SCAF4: variants seen among roughly 807,000 people sequenced by gnomAD.
SCAF4 encodes the protein SR-related and CTD-associated factor 4.
SCAF4 carries 25 observed loss-of-function variants against 129.8 expected under a neutral mutation model. The ratio of observed to expected loss-of-function variants is 0.19; its 90% confidence interval spans 0.14 to 0.27. The LOEUF is 0.27. Among genes scored for constraint, SCAF4 ranks in the 10% least tolerant of loss-of-function variants. The pLI is 1.00. For synonymous variants in SCAF4, 551 were observed against 497.7 expected, an observed-to-expected ratio of 1.11 and a Z score of -1.43; for missense variants, 1,246 against 1,457.1, an observed-to-expected ratio of 0.86 and a Z score of 2.36.
rs1319549437 is a variant in SCAF4, at chr21:31,694,832, G to C, written c.1217C>G (p.Thr406Arg). 2.5e-6 allele frequency: 4 copies of C among 1,614,158 alleles called. No individual in the cohort carries two copies. The highest frequency in any genetic ancestry group is 2.2e-5 in the South Asian group (2 of 91,084). Residue 406 changes from threonine (T) to arginine (R), a missense_variant, in exon 10 of 20, where the codon ACA becomes AGA. Transcript: ENST00000286835. The part of the protein sequence containing the change: ...ASFQAQNEPL[T>R]QKPHQQEMEV... ...TTTTACCTGCTGATGCGGCTTCTGTGTAAGTGGTTCATTTTGTGCCTGAAA... is the reference window on the plus strand; with the variant it reads ...TTTTACCTGCTGATGCGGCTTCTGTCTAAGTGGTTCATTTTGTGCCTGAAA...
chr21:31,690,280 T>A, intron 15 of SCAF4, among the ~76,000 whole-genome samples: 1 of 151,792 alleles, frequency 6.6e-6, no homozygotes, highest in South Asian at 2.1e-4. Context: ...AGGTCAGGAG[T>A]TCGAGACCAG....
intron 19 of SCAF4, 143 bp from the exon 20 acceptor site, chr21:31,672,497 T>C (rs748574302): frequency 4.3e-6 from 3 of 698,332 alleles, no homozygotes; most frequent in Non-Finnish European, 4.9e-6. Flanking sequence ...ACAAACCCAG[T>C]GTGAGGCCTA....
chr21:31,723,629 T>TGTGTGTGTGTGTGTGTGTGC (rs1271033175), intron 1 of SCAF4, among the ~76,000 whole-genome samples: 371 of 149,056 alleles, frequency 2.5e-3, no homozygotes, highest in African/African-American at 8.5e-3. Context: ...TGTGTGTGTG[T>TGTGTGTGTGTGTGTGTGTGC]GCGCGCGCGC....
At chr21:31,713,273 G>T (rs1474143161) in intron 1 of SCAF4, among the ~76,000 whole-genome samples, 5 of 152,192 alleles carry the variant, frequency 3.3e-5, no homozygotes, top group Admixed American at 6.5e-5. Context: ...TAGAATAACG[G>T]TAAGTGCACA....
intron 1 of SCAF4, among the ~76,000 whole-genome samples, chr21:31,712,084 A>C (rs2050811699): frequency 6.6e-6 from 1 of 152,164 alleles, no homozygotes; most frequent in Non-Finnish European, 1.5e-5. Flanking sequence ...GCATGAGGGA[A>C]AGCTTTAAAT....
rs768686848 is a variant in SCAF4, at chr21:31,700,914, G to A, written c.777+81C>T. 1.7e-5 allele frequency: 24 copies of A among 1,377,314 alleles called. No homozygotes were observed. The African/African-American group carries it at 3.0e-4, about 17-fold the overall frequency. The allele number at this position is 1,377,314 out of a possible 1,614,324, so 85.3% of individuals were successfully genotyped here. A position where few individuals can be genotyped will look rare whatever the true frequency, so the allele number is the denominator to read the frequency against. On this transcript the variant is annotated intron_variant, in intron 7 of 19. Coordinates refer to ENST00000286835, the MANE Select transcript of SCAF4 (RefSeq NM_020706.2). ...AAAACGACATAATGAACAATCCACA[G>A]AAGGGATACAGAAGTGATAATTTCC... is the stretch of plus-strand genomic sequence containing the variant.
In SCAF4 at chr21:31,694,234, T is replaced by G; in HGVS notation, c.1292A>C (p.Asn431Thr). 1 of 1,610,278 alleles carries G rather than the reference T, an allele frequency of 6.2e-7. No homozygotes were observed. The highest frequency in any genetic ancestry group is 8.5e-7 in the Non-Finnish European group (1 of 1,177,278). ...TGCTGACCTAGATCTTGACTTTCTGTTATCAGACATATGTCGCTTAACCTC... is the reference window on the plus strand; with the variant it reads ...TGCTGACCTAGATCTTGACTTTCTGGTATCAGACATATGTCGCTTAACCTC... ...IQEVKRHMSD[N>T]RKSRSRSASR... Residue 431 changes from asparagine to threonine, a missense_variant, in exon 11 of 20, where the codon AAC (asparagine) becomes ACC (threonine). Transcript: ENST00000286835.
intron 19 of SCAF4, among the ~76,000 whole-genome samples, chr21:31,672,860 TAC>T (rs551928310): frequency 3.7e-4 from 57 of 152,388 alleles, no homozygotes; most frequent in African/African-American, 1.3e-3. Flanking sequence ...GACTCCATGC[TAC>T]ACTTAGTCCA....
At chr21:31,704,507 C>T (rs1409403094) in intron 3 of SCAF4, among the ~76,000 whole-genome samples, 1 of 151,286 alleles carries the variant, frequency 6.6e-6, no homozygotes, top group Admixed American at 6.6e-5. Flanking sequence ...ATTTAATCCA[C>T]CAATTCTACA....
In SCAF4 at chr21:31,694,816, C is replaced by A; in HGVS notation, c.1233G>T (p.Gln411His). The A allele has an allele frequency of 6.2e-7, 1 of 1,614,006 alleles. No individual in the cohort carries two copies. The highest frequency in any genetic ancestry group is 8.5e-7 in the Non-Finnish European group (1 of 1,179,904). Residue 411 changes from glutamine to histidine, a missense_variant, in exon 10 of 20, where the codon CAG becomes CAT. This residue lies in a region of SCAF4 where 236 missense variants were observed against 210.0 expected (regional missense o/e 1.12). Coordinates refer to ENST00000286835, the MANE Select transcript of SCAF4 (RefSeq NM_020706.2). ...CTATCTGAGAATAAAGTTTTACCTG[C>A]TGATGCGGCTTCTGTGTAAGTGGTT... The part of the protein sequence containing the change: ...QNEPLTQKPH[Q>H]QEMEVEQPCI...
chr21:31,671,685 G>C lies in SCAF4; in HGVS notation c.3158C>G (p.Ser1053Cys), dbSNP rs779243584. The stretch of plus-strand genomic sequence containing the variant: ...TCTCTCTCTGTCTCGATGCCCACTA[G>C]AGCGTCTATTTCTCTCTTCCAAGTC... The part of the protein sequence containing the change: ...HRDLEERNRR[S>C]SGHRDRERDS... Residue 1053 changes from serine to cysteine, a missense_variant, in exon 20 of 20, where the codon TCT becomes TGT. Around this residue, in one of 6 missense-constraint regions of SCAF4, gnomAD observed 339 missense variants for 325.0 expected, o/e 1.04. Coordinates refer to ENST00000286835, the MANE Select transcript of SCAF4 (RefSeq NM_020706.2). The C allele has an allele frequency of 6.2e-7, 1 of 1,613,818 alleles. No individual in the cohort carries two copies. The highest frequency in any genetic ancestry group is 1.3e-5 in the African/African-American group (1 of 74,976).
Position 31,702,302 on chromosome 21 carries a change from G to A in SCAF4, c.399C>T (p.Asp133=). The A allele has an allele frequency of 1.2e-6, 2 of 1,614,088 alleles. No homozygotes were observed. The highest frequency in any genetic ancestry group is 1.7e-6 in the Non-Finnish European group (2 of 1,179,988). Residue 133 remains aspartate (D), a synonymous_variant, in exon 5 of 20, where the codon GAC becomes GAT. Transcript: ENST00000286835. ...FKIEIIQPLL[D]MAAGTSNAAP... Reference sequence around the variant, plus strand: ...CTGCATTACTGGTTCCCGCTGCCATGTCCAAAAGAGGTTGAATAATTTCAA... The same window carrying A: ...CTGCATTACTGGTTCCCGCTGCCATATCCAAAAGAGGTTGAATAATTTCAA...
chr21:31,674,473 TTA>T (rs1369133239), intron 19 of SCAF4, among the ~76,000 whole-genome samples: 4 of 152,292 alleles, frequency 2.6e-5, no homozygotes, highest in Admixed American at 2.0e-4. Flanking sequence ...CCAACTAAAT[TTA>T]TAGATTCCTG....
At chr21:31,730,419 T>C (rs762513397) in intron 1 of SCAF4, among the ~76,000 whole-genome samples, 1 of 152,234 alleles carries the variant, frequency 6.6e-6, no homozygotes, top group Non-Finnish European at 1.5e-5. Context: ...AAATCACTTT[T>C]AGGATAATTT....
chr21:31,694,353 T>G, intron 10 of SCAF4, 64 bp from the exon 11 acceptor site: 1 of 1,045,564 alleles, frequency 9.6e-7, no homozygotes, highest in South Asian at 1.5e-5. Context: ...GAGGACAAAA[T>G]CTAACAAAAG....
chr21:31,699,499 TTTG>T (rs949696378), intron 7 of SCAF4, among the ~76,000 whole-genome samples: 6 of 145,600 alleles, frequency 4.1e-5, no homozygotes, highest in African/African-American at 1.7e-4. Flanking sequence ...TTCTGTATTA[TTTG>T]TTTTTTTTTT....
intron 1 of SCAF4, among the ~76,000 whole-genome samples, chr21:31,718,757 A>T (rs959729716): frequency 6.6e-6 from 1 of 152,240 alleles, no homozygotes; most frequent in African/African-American, 2.4e-5. Context: ...AGGTACTTTC[A>T]TAAGCAACAA....
In SCAF4 at chr21:31,687,105, C is replaced by T. The variant is rs150744567; in HGVS notation, c.2043+1202G>A. On this transcript the variant is annotated intron_variant, in intron 16 of 19. Coordinates refer to ENST00000286835, the MANE Select transcript of SCAF4 (RefSeq NM_020706.2). Reference sequence around the variant, plus strand: ...GAATGTACCAAAGCATACAGTTTTCCCCTCACATTGAGAAAATGAAGACAC... The same window carrying T: ...GAATGTACCAAAGCATACAGTTTTCTCCTCACATTGAGAAAATGAAGACAC... Among the ~76,000 whole-genome samples, 445 of 152,240 alleles carry T rather than the reference C, an allele frequency of 2.9e-3. 4 individuals carry two copies. Among genetic ancestry groups the T allele is most frequent in the African/African-American group, 0.01 (423 of 41,528 alleles).
intron 7 of SCAF4, among the ~76,000 whole-genome samples, chr21:31,698,110 A>G (rs2050431962): frequency 6.6e-6 from 1 of 152,238 alleles, no homozygotes; most frequent in Non-Finnish European, 1.5e-5. Context: ...AGTTTATTAC[A>G]TATTAATATG....
Sources: allele counts gnomAD v4.1 joint callset (sites outside exome capture counted in the v4.1 genomes callset), GRCh38; gene constraint gnomAD v4.1.1; regional missense constraint gnomAD v4.1.1; transcripts MANE v1.5; gene names NCBI Gene and HGNC (gene_info 2026-07-23, HGNC 2026-07-21).